The following GCSAML variants were observed in gnomAD, a reference collection of about 807,000 sequenced individuals.
GCSAML encodes germinal center associated signaling and motility like.
In GCSAML, 9 loss-of-function variants were observed where a neutral mutation model predicts 13.0. That is an observed-to-expected ratio of 0.69 (90% CI 0.42 to 1.21). The LOEUF is 1.21. GCSAML is among the 50% of genes most tolerant of loss of function. The pLI is 0.00. For synonymous variants in GCSAML, 37 were observed against 52.9 expected, an observed-to-expected ratio of 0.70 and a Z score of 1.31; for missense variants, 143 against 153.4, an observed-to-expected ratio of 0.93 and a Z score of 0.36.
chr1:247,509,519 C>T (rs982866203), intron 1 of GCSAML, among the ~76,000 whole-genome samples: 2 of 152,200 alleles, frequency 1.3e-5, no homozygotes, highest in African/African-American at 4.8e-5. Context: ...ATTATCCTGG[C>T]CAGAACTTCC....
chr1:247,574,091 A>T, intron 4 of GCSAML, 52 bp from the exon 5 acceptor site: 1 of 1,601,380 alleles, frequency 6.2e-7, no homozygotes, highest in Non-Finnish European at 8.5e-7. Flanking sequence ...CACTGAGTTC[A>T]ATTTATGAAT....
At chr1:247,571,938 T>C (rs1273933053) in intron 4 of GCSAML, among the ~76,000 whole-genome samples, 4 of 152,224 alleles carry the variant, frequency 2.6e-5, no homozygotes, top group Non-Finnish European at 4.4e-5. Context: ...CTTCATGCTT[T>C]ATTTCATTAA....
At chr1:247,509,575 G>A (rs1325621215) in intron 1 of GCSAML, among the ~76,000 whole-genome samples, 1 of 152,102 alleles carries the variant, frequency 6.6e-6, no homozygotes, top group Non-Finnish European at 1.5e-5. Context: ...TCCTTGTCTT[G>A]TGCTGGTTTT....
chr1:247,544,983 A>C (rs1437386820), upstream of GCSAML, among the ~76,000 whole-genome samples: 2 of 152,250 alleles, frequency 1.3e-5, no homozygotes, highest in Non-Finnish European at 2.9e-5. Context: ...TCATACAACA[A>C]ATACAACAAG....
At chr1:247,560,875 G>A (rs894926663) in intron 2 of GCSAML, among the ~76,000 whole-genome samples, 2 of 151,740 alleles carry the variant, frequency 1.3e-5, no homozygotes, top group Non-Finnish European at 2.9e-5. Flanking sequence ...CTGTGAAGTC[G>A]GTTTTCAGAT....
intron 2 of GCSAML, among the ~76,000 whole-genome samples, chr1:247,543,481 T>C (rs909354716): frequency 4.6e-5 from 7 of 152,146 alleles, no homozygotes; most frequent in Admixed American, 2.0e-4. Flanking sequence ...TTCCGTAGTA[T>C]CCACGGTTTC....
intron 2 of GCSAML, chr1:247,530,424 T>G (rs1220875205): frequency 1.3e-5 from 2 of 151,862 alleles, no homozygotes; most frequent in African/African-American, 4.8e-5. Flanking sequence ...GAAACAATGG[T>G]GAATCTCGCC....
intron 1 of GCSAML, chr1:247,525,166 A>G (rs1043043927): frequency 6.6e-6 from 1 of 152,206 alleles, no homozygotes; most frequent in East Asian, 1.9e-4. Flanking sequence ...CGCTTTTTCT[A>G]TTCTCTCACT....
chr1:247,512,589 G>A (rs1048532958), intron 1 of GCSAML, among the ~76,000 whole-genome samples: 2 of 152,014 alleles, frequency 1.3e-5, no homozygotes, highest in Admixed American at 1.3e-4. Flanking sequence ...GAGAAGAGGC[G>A]TTCTGGTTTT....
At position 247,527,412 on chromosome 1, in the gene GCSAML, C is replaced by T. The variant is rs1318446661; in HGVS notation, c.-148+358C>T. On this transcript the variant is annotated intron_variant, in intron 2 of 5. Coordinates refer to the GCSAML transcript ENST00000366489. The surrounding 1 kb of genome is among the most constrained non-coding windows in gnomAD (Gnocchi z 4.6). ...GTCCCAGAGGGTCCTACTGCCACTT[C>T]CTCATTGCTTTCTCTGGAGGTTCTA... is the stretch of plus-strand genomic sequence containing the variant. The T allele has an allele frequency of 1.3e-5, 2 of 157,634 alleles. No homozygotes were observed. The highest frequency in any genetic ancestry group is 2.8e-5 in the Non-Finnish European group (2 of 71,496). The allele number at this position is 157,634 out of a possible 1,614,324, so 9.8% of individuals were successfully genotyped here.
intron 1 of GCSAML, among the ~76,000 whole-genome samples, chr1:247,554,912 T>C (rs1179608443): frequency 6.6e-6 from 1 of 152,166 alleles, no homozygotes; most frequent in Non-Finnish European, 1.5e-5. Flanking sequence ...ATCTTAATTC[T>C]TTGGCCAAGA....
At chr1:247,516,552 T>C (rs1666215759) in intron 1 of GCSAML, among the ~76,000 whole-genome samples, 1 of 108,198 alleles carries the variant, frequency 9.2e-6, no homozygotes, top group African/African-American at 2.9e-5. Flanking sequence ...TCATGTTGAC[T>C]GTTTTTTTTT....
At chr1:247,525,906 G>C (rs1666664112) in intron 1 of GCSAML, 1 of 152,088 alleles carries the variant, frequency 6.6e-6, no homozygotes, top group Non-Finnish European at 1.5e-5. Context: ...AGGAATCCAA[G>C]GATTTTAGTA....
chr1:247,510,236 T>C (rs752678678), intron 1 of GCSAML, among the ~76,000 whole-genome samples: 3 of 152,214 alleles, frequency 2.0e-5, no homozygotes, highest in Non-Finnish European at 2.9e-5. Flanking sequence ...CTTGAGAAGA[T>C]GTATGTGTCC....
At chr1:247,524,021 C>CAA (rs1260664230) in intron 1 of GCSAML, among the ~76,000 whole-genome samples, 2 of 151,834 alleles carry the variant, frequency 1.3e-5, no homozygotes, top group Non-Finnish European at 2.9e-5. Flanking sequence ...CACACACACA[C>CAA]ACACACACTC....
At chr1:247,517,495 C>T (rs1666251840) in intron 1 of GCSAML, among the ~76,000 whole-genome samples, 1 of 152,094 alleles carries the variant, frequency 6.6e-6, no homozygotes, top group African/African-American at 2.4e-5. Flanking sequence ...AGATTGTATC[C>T]AGTAGCAGAG....
chr1:247,540,810 A>G (rs959546884), intron 2 of GCSAML, among the ~76,000 whole-genome samples: 2 of 152,218 alleles, frequency 1.3e-5, no homozygotes, highest in Non-Finnish European at 2.9e-5. Context: ...TTTTCTTTTC[A>G]ATTCACGTAG....
At chr1:247,550,655 A>AC (rs200483124) in intron 1 of GCSAML, among the ~76,000 whole-genome samples, 6,721 of 150,602 alleles carry the variant, frequency 0.045, 166 homozygotes, top group Middle Eastern at 0.065. Context: ...AAACAAACAA[A>AC]AAAAAATGCT....
chr1:247,551,411 C>T (rs1190576083), intron 1 of GCSAML, among the ~76,000 whole-genome samples: 4 of 152,102 alleles, frequency 2.6e-5, no homozygotes, highest in Non-Finnish European at 5.9e-5. Flanking sequence ...GAGAATGAAG[C>T]TGGGGGTCTG....
Sources: allele counts gnomAD v4.1 joint callset (sites outside exome capture counted in the v4.1 genomes callset), GRCh38; gene constraint gnomAD v4.1.1; non-coding constraint Gnocchi (gnomAD v3.1); transcripts MANE v1.5; gene names NCBI Gene and HGNC (gene_info 2026-07-23, HGNC 2026-07-21).